JADE1: variants seen among roughly 807,000 people sequenced by gnomAD.
The protein encoded by JADE1 is jade family PHD finger 1.
JADE1 carries 14 observed loss-of-function variants against 81.8 expected under a neutral mutation model. That is an observed-to-expected ratio of 0.17 (90% CI 0.11 to 0.27). The LOEUF is 0.27. JADE1 is among the 10% of genes least tolerant of loss of function. The probability of loss-of-function intolerance (pLI) is 1.00; values close to 1 mark genes in which losing one functional copy is unlikely to be tolerated. For missense variants in JADE1, 690 were observed against 1,047.9 expected, an observed-to-expected ratio of 0.66 and a Z score of 4.71; for synonymous variants, 353 against 391.9, an observed-to-expected ratio of 0.90 and a Z score of 1.17.
intron 1 of JADE1, among the ~76,000 whole-genome samples, chr4:128,814,925 A>G (rs1307127278): frequency 6.6e-6 from 1 of 151,912 alleles, no homozygotes; most frequent in East Asian, 1.9e-4. Flanking sequence ...TATTACTGTA[A>G]CATGTCCAGA....
chr4:128,857,293 T>G (rs767628342), intron 7 of JADE1, 45 bp from the exon 8 acceptor site: 4 of 1,447,810 alleles, frequency 2.8e-6, no homozygotes, highest in Non-Finnish European at 3.9e-6. Flanking sequence ...ATGTTCAGCC[T>G]TTGACGACCT....
chr4:128,862,916 G>A lies in JADE1; in HGVS notation c.1503+691G>A, dbSNP rs1014721734. On this transcript the variant is annotated intron_variant, in intron 9 of 10. Transcript: ENST00000226319. ...AGGCTGTGTGTGTGTGTGTGTGTGCGCGTGCCCGTGTCCATCCATGTCTCT... is the reference window on the plus strand; with the variant it reads ...AGGCTGTGTGTGTGTGTGTGTGTGCACGTGCCCGTGTCCATCCATGTCTCT... 15 of 980,010 alleles carry A rather than the reference G, an allele frequency of 1.5e-5. No individual in the cohort carries two copies. In the African/African-American group the frequency reaches 1.6e-4, roughly 10 times the overall value. The allele number at this position is 980,010 out of a possible 1,614,324, so 60.7% of individuals were successfully genotyped here.
At position 128,871,596 on chromosome 4, in the gene JADE1, G is replaced by T; in HGVS notation, c.1863G>T (p.Arg621Ser). The T allele has an allele frequency of 6.2e-7, 1 of 1,614,192 alleles. No individual in the cohort carries two copies. The highest frequency in any genetic ancestry group is 1.1e-5 in the South Asian group (1 of 91,092). ...LLKQPDLCGR[R>S]EGMVVPESFL... ...AGCAGCCAGACCTGTGTGGTAGAAG[G>T]GAGGGGATGGTGGTCCCAGAGAGCT... The change falls in exon 11 of 11, where the codon AGG (arginine) becomes AGT (serine). Residue 621 changes from arginine (R) to serine (S), a missense_variant. This residue lies in a region of JADE1 where 218 missense variants were observed against 274.3 expected (regional missense o/e 0.79). Coordinates refer to ENST00000226319, the MANE Select transcript of JADE1 (RefSeq NM_199320.4). This position sits in a 1 kb window ranked among gnomAD's most constrained non-coding sequence, Gnocchi z 4.1.
At position 128,849,045 on chromosome 4, in the gene JADE1, C is replaced by T. The variant is rs774979265; in HGVS notation, c.362C>T (p.Ser121Phe). 13 of 1,614,052 alleles carry T rather than the reference C, an allele frequency of 8.1e-6. No individual in the cohort carries two copies. The highest frequency in any genetic ancestry group is 6.7e-5 in the African/African-American group (5 of 74,928). ...AAGAAGTACATCGTGTCATCAGGCTCTGAGCCTCCCGAGTTGGGCTATGTG... is the reference window on the plus strand; with the variant it reads ...AAGAAGTACATCGTGTCATCAGGCTTTGAGCCTCCCGAGTTGGGCTATGTG... ...RPKKYIVSSG[S>F]EPPELGYVDI... Residue 121 changes from serine (S) to phenylalanine (F), a missense_variant, in exon 5 of 11, where the codon TCT (serine) becomes TTT (phenylalanine). Ser to Phe is a radical substitution (Grantham distance 155). Transcript: ENST00000226319.
chr4:128,847,500 A>G (rs1729965243), intron 4 of JADE1, among the ~76,000 whole-genome samples: 1 of 152,150 alleles, frequency 6.6e-6, no homozygotes, highest in South Asian at 2.1e-4. Context: ...CCCACAGGCT[A>G]GAGTCTGGAC....
chr4:128,833,283 A>T (rs1014086811), intron 2 of JADE1, among the ~76,000 whole-genome samples: 2 of 152,138 alleles, frequency 1.3e-5, no homozygotes, highest in Non-Finnish European at 2.9e-5. Context: ...TTACTCCTTG[A>T]GGCAAAAACA....
In JADE1 at chr4:128,846,635, C is replaced by G. The variant is rs765441065; in HGVS notation, c.296+103C>G. ...CAATTTCTGTGGGAAGAGACAGTTTCTGAGTTAGCATTAAAATATCATGAG... is the reference window on the plus strand; with the variant it reads ...CAATTTCTGTGGGAAGAGACAGTTTGTGAGTTAGCATTAAAATATCATGAG... On this transcript the variant is annotated intron_variant, in intron 4 of 10. Transcript: ENST00000226319. The surrounding 1 kb of genome is among the most constrained non-coding windows in gnomAD (Gnocchi z 4.0). The G allele has an allele frequency of 1.3e-5, 16 of 1,255,972 alleles. No individual in the cohort carries two copies. The highest frequency in any genetic ancestry group is 1.8e-5 in the Non-Finnish European group (16 of 904,788). 77.8% of individuals were successfully genotyped at this position (1,255,972 alleles called of 1,614,324 possible).
intron 6 of JADE1, among the ~76,000 whole-genome samples, chr4:128,855,149 T>C (rs560811591): frequency 6.6e-6 from 1 of 152,266 alleles, no homozygotes; most frequent in South Asian, 2.1e-4. Flanking sequence ...GGAGATTCTC[T>C]CAGCTGCTGT....
intron 1 of JADE1, among the ~76,000 whole-genome samples, chr4:128,816,018 T>G (rs1727000138): frequency 6.6e-6 from 1 of 151,912 alleles, no homozygotes. Flanking sequence ...AATACTTTTT[T>G]TTTTTTTTTA....
chr4:128,814,102 T>C (rs1726767185), intron 1 of JADE1, among the ~76,000 whole-genome samples: 2 of 151,948 alleles, frequency 1.3e-5, no homozygotes, highest in Admixed American at 1.3e-4. Context: ...GTTTTCTGCC[T>C]GTAAACCAGT....
At chr4:128,811,693 C>G (rs1212495074) in intron 1 of JADE1, among the ~76,000 whole-genome samples, 1 of 147,124 alleles carries the variant, frequency 6.8e-6, no homozygotes, top group Non-Finnish European at 1.5e-5. Context: ...CCGCACAAAG[C>G]CCGCGGCGCG....
At chr4:128,827,901 A>G (rs1331742498) in intron 1 of JADE1, 3 of 985,080 alleles carry the variant, frequency 3.0e-6, no homozygotes, top group South Asian at 4.7e-5. Flanking sequence ...TGTGTTACAC[A>G]TATGTTGGTA....
intron 1 of JADE1, among the ~76,000 whole-genome samples, chr4:128,811,069 T>A (rs933518076): frequency 6.6e-6 from 1 of 152,186 alleles, no homozygotes; most frequent in Non-Finnish European, 1.5e-5. Context: ...GAGTCTGTGT[T>A]TGCGAGTTGG....
At chr4:128,816,796 TAGAG>T (rs760041274) in intron 1 of JADE1, among the ~76,000 whole-genome samples, 26 of 152,330 alleles carry the variant, frequency 1.7e-4, no homozygotes, top group Non-Finnish European at 3.1e-4. Context: ...CATAATGTGA[TAGAG>T]AGCAGTTGAA....
chr4:128,830,427 T>C (rs1215922566), intron 1 of JADE1, among the ~76,000 whole-genome samples: 2 of 151,826 alleles, frequency 1.3e-5, no homozygotes, highest in Non-Finnish European at 2.9e-5. Context: ...AGAGACGGAG[T>C]TTCACCATGT....
At chr4:128,814,655 A>C (rs143426732) in intron 1 of JADE1, among the ~76,000 whole-genome samples, 1,905 of 148,786 alleles carry the variant, frequency 0.013, 22 homozygotes, top group African/African-American at 0.038. Context: ...TATGCCTCCC[A>C]GGTTCAAGCG....
At chr4:128,832,912 C>T (rs535204536) in intron 2 of JADE1, among the ~76,000 whole-genome samples, 176 of 152,204 alleles carry the variant, frequency 1.2e-3, no homozygotes, top group African/African-American at 3.9e-3. Context: ...TGTGGTATTT[C>T]GGTTGGTGTG....
chr4:128,829,484 G>A (rs1376735873), intron 1 of JADE1, among the ~76,000 whole-genome samples: 1 of 152,176 alleles, frequency 6.6e-6, no homozygotes, highest in Non-Finnish European at 1.5e-5. Context: ...TGCAATTATA[G>A]ATTAGGGACC....
rs1240276591 is a variant in JADE1 at position 128,812,577 on chromosome 4, C to A, written c.-27+2700C>A. ...CGGGTCTCCCCTCGCCCCAGGATTC[C>A]TCCCGCGCCAGGCTCCGCTGGCCCC... is the stretch of plus-strand genomic sequence containing the variant. On this transcript the variant is annotated intron_variant, in intron 1 of 10. Transcript: ENST00000226319. 2.0e-5 allele frequency among the ~76,000 whole-genome samples: 3 copies of A among 152,208 alleles called. No homozygotes were observed. The East Asian group carries it at 5.8e-4, about 29-fold the overall frequency.
Sources: gnomAD v4.1 joint callset for allele counts (sites outside exome capture counted in the v4.1 genomes callset) on GRCh38, gnomAD v4.1.1 for gene constraint, gnomAD v4.1.1 regional missense constraint, Gnocchi (gnomAD v3.1) non-coding constraint, MANE v1.5 for transcripts, NCBI Gene and HGNC (gene_info 2026-07-23, HGNC 2026-07-21) for gene names.